The following ZFHX4 variants were observed in gnomAD, a reference collection of about 807,000 sequenced individuals.
The protein encoded by ZFHX4 is zinc finger homeobox protein 4.
In ZFHX4, 56 loss-of-function variants were observed where a neutral mutation model predicts 267.6. The ratio of observed to expected loss-of-function variants is 0.21; its 90% CI spans 0.17 to 0.26. The LOEUF is 0.26. ZFHX4 is among the 10% of genes least tolerant of loss of function. The probability of loss-of-function intolerance (pLI) is 1.00; values close to 1 mark genes in which losing one functional copy is unlikely to be tolerated. For synonymous variants in ZFHX4, 1,778 were observed against 1,665.6 expected, an observed-to-expected ratio of 1.07 and a Z score of -1.64; for missense variants, 4,332 against 4,420.0, an observed-to-expected ratio of 0.98 and a Z score of 0.56.
intron 3 of ZFHX4, among the ~76,000 whole-genome samples, chr8:76,716,428 A>G (rs188531429): frequency 3.9e-5 from 6 of 152,316 alleles, no homozygotes; most frequent in Admixed American, 2.6e-4. Context: ...TGCTATTATT[A>G]TACTCTGACA....
At chr8:76,842,614 G>T (rs749382673) in intron 5 of ZFHX4, 41 bp from the exon 6 acceptor site, 2 of 1,459,108 alleles carry the variant, frequency 1.4e-6, no homozygotes, top group South Asian at 2.5e-5. Flanking sequence ...GAACTTTTGG[G>T]CGGTTTTCAG....
chr8:76,843,699 C>T (rs565945671), intron 6 of ZFHX4, among the ~76,000 whole-genome samples: 10 of 152,240 alleles, frequency 6.6e-5, no homozygotes, highest in African/African-American at 2.2e-4. Flanking sequence ...TTCAGGTAGT[C>T]ATCTATCTTT....
chr8:76,849,827 T>C, intron 8 of ZFHX4, 115 bp downstream of exon 8: 1 of 1,168,060 alleles, frequency 8.6e-7, no homozygotes, highest in Non-Finnish European at 1.2e-6. Flanking sequence ...ATTAAAGCTC[T>C]GTTATTGCTC....
At chr8:76,751,620 G>A (rs998903133) in intron 3 of ZFHX4, among the ~76,000 whole-genome samples, 1 of 152,170 alleles carries the variant, frequency 6.6e-6, no homozygotes, top group Non-Finnish European at 1.5e-5. Context: ...AGAATGAATT[G>A]TGAGGGATAC....
intron 3 of ZFHX4, among the ~76,000 whole-genome samples, chr8:76,725,165 A>G (rs1318427606): frequency 6.6e-6 from 1 of 152,154 alleles, no homozygotes; most frequent in African/African-American, 2.4e-5. Context: ...TATTGAATAC[A>G]GATGCATTGG....
chr8:76,705,240 A>C lies in ZFHX4; in HGVS notation c.1152A>C (p.Gly384=). Residue 384 remains glycine, a synonymous_variant, in exon 2 of 11, where the codon GGA becomes GGC. Coordinates refer to ENST00000651372, the MANE Select transcript of ZFHX4 (RefSeq NM_024721.5). ...SLPAGFAFLK[G]SASTSSSAEQ... ...CGGCTGGCTTTGCCTTCTTAAAAGG[A>C]AGCGCGAGCACCTCGAGCTCAGCAG... 6.2e-7 allele frequency: 1 copy of C among 1,614,046 alleles called. No individual in the cohort carries two copies.
intron 3 of ZFHX4, among the ~76,000 whole-genome samples, chr8:76,744,640 T>A (rs1191016467): frequency 6.6e-6 from 1 of 152,072 alleles, no homozygotes; most frequent in Non-Finnish European, 1.5e-5. Context: ...CTTGCACTCC[T>A]GACCTCAAGT....
intron 3 of ZFHX4, among the ~76,000 whole-genome samples, chr8:76,758,504 G>T (rs977468022): frequency 3.0e-4 from 46 of 151,584 alleles, no homozygotes; most frequent in African/African-American, 8.2e-4. Context: ...TTGTTTGTTT[G>T]TTTTTTTTGA....
chr8:76,827,942 A>C (rs1811829797), intron 4 of ZFHX4, among the ~76,000 whole-genome samples: 1 of 152,240 alleles, frequency 6.6e-6, no homozygotes, highest in African/African-American at 2.4e-5. Flanking sequence ...TGGAAGAAAT[A>C]ATTTAAGAGA....
At chr8:76,682,087 G>C (rs1016988086) in intron 1 of ZFHX4, among the ~76,000 whole-genome samples, 2 of 152,098 alleles carry the variant, frequency 1.3e-5, no homozygotes, top group East Asian at 3.9e-4. Flanking sequence ...GCTCCGCAAC[G>C]GCGCGGGCAC....
rs775322268 is a variant in ZFHX4 at position 76,705,628 on chromosome 8, G to T, written c.1540G>T (p.Val514Leu). 6.2e-6 allele frequency: 10 copies of T among 1,613,878 alleles called. No individual in the cohort carries two copies. Among genetic ancestry groups the T allele is most frequent in the Non-Finnish European group, 8.5e-6 (10 of 1,179,838 alleles). Residue 514 changes from valine to leucine, a missense_variant, in exon 2 of 11, where the codon GTG becomes TTG. Val to Leu is a conservative substitution (Grantham distance 32, BLOSUM62 1). Around this residue, in one of 7 missense-constraint regions of ZFHX4, gnomAD observed 1,195 missense variants for 1,173.6 expected, o/e 1.02. Transcript: ENST00000651372. ...NQSISPLSSS[V>L]LKFIEKGTSS... ...AAGCATTTCTCCTTTATCATCCAGT[G>T]TGCTAAAATTTATTGAAAAGGGTAC... is the stretch of plus-strand genomic sequence containing the variant.
intron 4 of ZFHX4, among the ~76,000 whole-genome samples, chr8:76,783,486 T>A (rs558794156): frequency 9.9e-5 from 15 of 152,134 alleles, no homozygotes; most frequent in East Asian, 9.7e-4. Flanking sequence ...TTTCTTTTTT[T>A]AAAAAAGTAC....
At chr8:76,682,227 G>A (rs1807552958) in intron 1 of ZFHX4, among the ~76,000 whole-genome samples, 1 of 152,138 alleles carries the variant, frequency 6.6e-6, no homozygotes, top group Non-Finnish European at 1.5e-5. Flanking sequence ...CTCTTTCCCT[G>A]CTTTACCCTC....
chr8:76,754,861 T>C (rs1809721772), intron 3 of ZFHX4, among the ~76,000 whole-genome samples: 1 of 152,190 alleles, frequency 6.6e-6, no homozygotes, highest in Admixed American at 6.6e-5. Context: ...CTTCCCAGTG[T>C]TTAATAACCA....
At chr8:76,759,028 A>T (rs12679006) in intron 3 of ZFHX4, among the ~76,000 whole-genome samples, 11,481 of 152,242 alleles carry the variant, frequency 0.075, 965 homozygotes, top group East Asian at 0.29. Flanking sequence ...AAATAAAATC[A>T]TTTCCAAAAT....
At chr8:76,824,473 G>A (rs1364643767) in intron 4 of ZFHX4, among the ~76,000 whole-genome samples, 4 of 152,124 alleles carry the variant, frequency 2.6e-5, no homozygotes, top group Admixed American at 6.5e-5. Flanking sequence ...GGGGAGCAGA[G>A]GATCCCTTCT....
At chr8:76,701,228 ATATAT>A (rs1348786673) in intron 1 of ZFHX4, among the ~76,000 whole-genome samples, 2 of 152,092 alleles carry the variant, frequency 1.3e-5, no homozygotes, top group African/African-American at 4.8e-5. Context: ...AAATCAAATA[ATATAT>A]TATTAGCTAT....
In ZFHX4 at chr8:76,854,732, G is replaced by A. The variant is rs985622422; in HGVS notation, c.7811G>A (p.Arg2604Gln). The A allele has an allele frequency of 1.2e-6, 2 of 1,612,750 alleles. No individual in the cohort carries two copies. The highest frequency in any genetic ancestry group is 2.2e-5 in the East Asian group (1 of 44,812). Residue 2604 changes from arginine (R) to glutamine (Q), a missense_variant, in exon 10 of 11, where the codon CGA (arginine) becomes CAA (glutamine). Arg to Gln is a conservative substitution (Grantham distance 43, BLOSUM62 1). Around this residue, in one of 7 missense-constraint regions of ZFHX4, gnomAD observed 1,648 missense variants for 1,625.0 expected, o/e 1.01. Transcript: ENST00000651372. ...EGGNSGEDQHRDKRLRTTITP... is the reference protein window; with the variant it reads ...EGGNSGEDQHQDKRLRTTITP... ...GGGAATAGCGGTGAAGACCAACACCGAGATAAACGCTTGAGAACCACGATC... is the reference window on the plus strand; with the variant it reads ...GGGAATAGCGGTGAAGACCAACACCAAGATAAACGCTTGAGAACCACGATC...
intron 3 of ZFHX4, among the ~76,000 whole-genome samples, chr8:76,708,549 C>T (rs746388889): frequency 4.6e-5 from 7 of 152,114 alleles, no homozygotes; most frequent in Non-Finnish European, 1.0e-4. Flanking sequence ...TAAACACACT[C>T]TCCCTTAGCA....
Sources: allele counts gnomAD v4.1 joint callset (sites outside exome capture counted in the v4.1 genomes callset), GRCh38; gene constraint gnomAD v4.1.1; regional missense constraint gnomAD v4.1.1; transcripts MANE v1.5; gene names NCBI Gene and HGNC (gene_info 2026-07-23, HGNC 2026-07-21).